GIT1: variants seen among roughly 807,000 people sequenced by gnomAD.
The protein encoded by GIT1 is GIT ArfGAP 1.
A neutral mutation model predicts 91.7 loss-of-function variants in GIT1; 14 were observed. The ratio of observed to expected loss-of-function variants is 0.15; its 90% CI spans 0.10 to 0.24. The LOEUF (loss-of-function observed/expected upper bound fraction) is 0.24, where lower values mean the gene tolerates loss of function less well. Ranked by LOEUF, GIT1 falls within the 10% of genes least tolerant of loss-of-function variation. The probability of loss-of-function intolerance (pLI) is 1.00; values close to 1 mark genes in which losing one functional copy is unlikely to be tolerated. For missense variants in GIT1, 717 were observed against 1,024.9 expected, an observed-to-expected ratio of 0.70 and a Z score of 4.10; for synonymous variants, 414 against 418.2, an observed-to-expected ratio of 0.99 and a Z score of 0.12.
Position 29,579,316 on chromosome 17 carries a change from T to A in GIT1, c.762-537A>T, listed in dbSNP as rs187685492. ...TTGTAAGTTTCTTAATCTCCCTCCT[T>A]CTAGTTTTGTCCCTACAATCCTGTT... is the stretch of plus-strand genomic sequence containing the variant. On this transcript the variant is annotated intron_variant, in intron 7 of 19. Coordinates refer to ENST00000225394, the MANE Select transcript of GIT1 (RefSeq NM_014030.4). 97 of 406,302 alleles carry A rather than the reference T, an allele frequency of 2.4e-4. 3 individuals are homozygous for A. The East Asian group carries it at 3.4e-3, about 14-fold the overall frequency. The allele number at this position is 406,302 out of a possible 1,614,324, so 25.2% of individuals were successfully genotyped here.
At position 29,574,049 on chromosome 17, in the gene GIT1, C is replaced by T. The variant is rs1028590074; in HGVS notation, c.*653G>A. On this transcript the variant is annotated 3_prime_UTR_variant, in exon 20 of 20. Transcript: ENST00000225394. ...GACCAGGCCTCCGGAACGGCACTGCCGCCCACACACTCAACACGCAGGCAC... is the reference window on the plus strand; with the variant it reads ...GACCAGGCCTCCGGAACGGCACTGCTGCCCACACACTCAACACGCAGGCAC... The T allele has an allele frequency of 1.0e-4, 16 of 152,468 alleles. No homozygotes were observed. The highest frequency in any genetic ancestry group is 2.4e-4 in the African/African-American group (10 of 41,484). 9.4% of individuals were successfully genotyped at this position (152,468 alleles called of 1,614,324 possible).
In GIT1 at chr17:29,578,333, C is replaced by T; in HGVS notation, c.849G>A (p.Val283=). 6.2e-7 allele frequency: 1 copy of T among 1,614,154 alleles called. No individual in the cohort carries two copies. Among genetic ancestry groups the T allele is most frequent in the Non-Finnish European group, 8.5e-7 (1 of 1,179,990 alleles). Residue 283 remains valine (V), a synonymous_variant, in exon 9 of 20, where the codon GTG becomes GTA. Transcript: ENST00000225394. ...TTTCTCTTCGATCCACCTCGTCATA[C>T]ACGTCCATGGCGAGTTCCTCAAAAA... is the stretch of plus-strand genomic sequence containing the variant. ...NRLFEELAMD[V]YDEVDRREND...
Position 29,582,818 on chromosome 17 carries a change from C to A in GIT1, c.300-15G>T, listed in dbSNP as rs2033448563. On this transcript the variant is annotated splice_polypyrimidine_tract_variant and intron_variant, in intron 3 of 19. Coordinates refer to ENST00000225394, the MANE Select transcript of GIT1 (RefSeq NM_014030.4). ...ACTTGATGGGGCTGCATGGGGCACA[C>A]AGGAGGAATGGGGAGCATGGTGGGA... 6.2e-7 allele frequency: 1 copy of A among 1,604,644 alleles called. No individual in the cohort carries two copies. The highest frequency in any genetic ancestry group is 1.3e-5 in the African/African-American group (1 of 74,754).
At chr17:29,580,258 G>A (rs2033351572) in intron 7 of GIT1, among the ~76,000 whole-genome samples, 1 of 152,158 alleles carries the variant, frequency 6.6e-6, no homozygotes, top group Non-Finnish European at 1.5e-5. Flanking sequence ...CCCATATTTG[G>A]GTGTATTTAC....
chr17:29,587,085 G>A (rs1255324741), intron 1 of GIT1, among the ~76,000 whole-genome samples: 1 of 152,192 alleles, frequency 6.6e-6, no homozygotes, highest in Non-Finnish European at 1.5e-5. Flanking sequence ...GGTTAGGACT[G>A]CAGGGCTCCT....
rs139867434 is a variant in GIT1, at chr17:29,575,328, G to C, written c.1969C>G (p.Gln657Glu). 2 of 1,613,410 alleles carry C rather than the reference G, an allele frequency of 1.2e-6. No homozygotes were observed. The highest frequency in any genetic ancestry group is 1.7e-6 in the Non-Finnish European group (2 of 1,179,872). ...TCCTGGGCTGCCCGCAACAGTTCCT[G>C]AATGTTCTTGGTGACCTGCTCTGTC... ...LKTEQVTKNI[Q>E]ELLRAAQEFK... The change falls in exon 18 of 20, where the codon CAG becomes GAG. Residue 657 changes from glutamine (Q) to glutamate (E), a missense_variant. Physicochemically the swap from Gln to Glu is conservative, Grantham distance 29 (BLOSUM62 2). Around this residue, in one of 3 missense-constraint regions of GIT1, gnomAD observed 134 missense variants for 223.8 expected, o/e 0.60. Coordinates refer to ENST00000225394, the MANE Select transcript of GIT1 (RefSeq NM_014030.4). The surrounding 1 kb of genome is among the most constrained non-coding windows in gnomAD (Gnocchi z 5.5).
At position 29,588,531 on chromosome 17, in the gene GIT1, G is replaced by A. The variant is rs555435820; in HGVS notation, c.52+796C>T. Among the ~76,000 whole-genome samples, 371 of 152,320 alleles carry A rather than the reference G, an allele frequency of 2.4e-3. 2 individuals carry two copies. Among genetic ancestry groups the A allele is most frequent in the African/African-American group, 8.8e-3 (365 of 41,576 alleles). On this transcript the variant is annotated intron_variant, in intron 1 of 19. Coordinates refer to ENST00000225394, the MANE Select transcript of GIT1 (RefSeq NM_014030.4). ...AGCAGGATACGGGGAATCTCGGCAC[G>A]GCCTCCCACCCATTTCTGGCCAGAC...
Position 29,576,649 on chromosome 17 carries a change from T to A in GIT1, c.1253A>T (p.Asp418Val), listed in dbSNP as rs1309437721. The A allele has an allele frequency of 1.2e-6, 2 of 1,613,842 alleles. No individual in the cohort carries two copies. The highest frequency in any genetic ancestry group is 1.7e-6 in the Non-Finnish European group (2 of 1,180,002). Residue 418 changes from aspartate (D) to valine (V), a missense_variant, in exon 13 of 20, where the codon GAC becomes GTC. Physicochemically the swap from Asp to Val is radical, Grantham distance 152. Coordinates refer to ENST00000225394, the MANE Select transcript of GIT1 (RefSeq NM_014030.4). Reference protein sequence around the residue: ...ARSMDSSDLSDGAVTLQEYLE... With the variant: ...ARSMDSSDLSVGAVTLQEYLE... ...GTACTCCTGCAGCGTCACAGCCCCG[T>A]CAGACAAGTCCGAGGAGTCCATGCT...
At position 29,574,754 on chromosome 17, in the gene GIT1, G is replaced by A; in HGVS notation, c.2234C>T (p.Ala745Val). The change falls in exon 20 of 20, where the codon GCC (alanine) becomes GTC (valine). Residue 745 changes from alanine (A) to valine (V), a missense_variant. This residue lies in a region of GIT1 where 134 missense variants were observed against 223.8 expected (regional missense o/e 0.60). Coordinates refer to ENST00000225394, the MANE Select transcript of GIT1 (RefSeq NM_014030.4). ...GGTGACCAGCTGCTTGGCAGCCTTG[G>A]CGATGTCATAGGCGCACTGGATCAC... ...QQVIQCAYDI[A>V]KAAKQLVTIT... The A allele has an allele frequency of 1.2e-6, 2 of 1,613,640 alleles. No homozygotes were observed. The highest frequency in any genetic ancestry group is 1.7e-6 in the Non-Finnish European group (2 of 1,179,926).
Position 29,576,525 on chromosome 17 carries a change from T to G in GIT1, c.1377A>C (p.Arg459=). 6.2e-7 allele frequency: 1 copy of G among 1,613,792 alleles called. No individual in the cohort carries two copies. The highest frequency in any genetic ancestry group is 8.5e-7 in the Non-Finnish European group (1 of 1,179,958). ...SLSDELRRLQ[R]EIHKLQAENL... is the part of the protein sequence containing the mutation. ...CCCACCGAGGCTGCACCCTCACCTC[T>G]CGCTGCAGCCTCCGGAGCTCGTCGC... is the stretch of plus-strand genomic sequence containing the variant. Residue 459 remains arginine (R), a synonymous_variant, in exon 13 of 20, where the codon CGA becomes CGC. Coordinates refer to ENST00000225394, the MANE Select transcript of GIT1 (RefSeq NM_014030.4).
chr17:29,577,088 C>T, intron 11 of GIT1, 48 bp downstream of exon 11: 1 of 1,606,324 alleles, frequency 6.2e-7, no homozygotes, highest in Non-Finnish European at 8.5e-7. Flanking sequence ...CAGGAAAGAC[C>T]CCTGGAGCCC....
rs1432585254 is a variant in GIT1 at position 29,576,635 on chromosome 17, G to A, written c.1267C>T (p.Leu423=). 1 of 1,614,026 alleles carries A rather than the reference G, an allele frequency of 6.2e-7. No individual in the cohort carries two copies. The highest frequency in any genetic ancestry group is 1.1e-5 in the South Asian group (1 of 91,086). ...TTCTTCAGCTCCAGGTACTCCTGCA[G>A]CGTCACAGCCCCGTCAGACAAGTCC... ...SSDLSDGAVT[L]QEYLELKKAL... The change falls in exon 13 of 20, where the codon CTG becomes TTG. Residue 423 remains leucine (L), a synonymous_variant. Coordinates refer to ENST00000225394, the MANE Select transcript of GIT1 (RefSeq NM_014030.4).
chr17:29,577,874 CT>C, intron 9 of GIT1, 132 bp from the exon 10 acceptor site: 1 of 654,958 alleles, frequency 1.5e-6, no homozygotes. Context: ...CAGGGGTGGT[CT>C]TTGGGCACGC....
At chr17:29,587,586 C>T (rs909902010) in intron 1 of GIT1, among the ~76,000 whole-genome samples, 3 of 152,204 alleles carry the variant, frequency 2.0e-5, no homozygotes, top group African/African-American at 4.8e-5. Flanking sequence ...GGACATTCAA[C>T]GCAACATACA....
intron 12 of GIT1, 28 bp downstream of exon 12, chr17:29,576,835 G>T (rs771785205): frequency 6.3e-7 from 1 of 1,577,466 alleles, no homozygotes; most frequent in South Asian, 1.1e-5. Flanking sequence ...AGGGCACAGG[G>T]GAGTGGGAAG....
chr17:29,583,268 G>A (rs1397233203), intron 2 of GIT1, among the ~76,000 whole-genome samples: 6 of 152,190 alleles, frequency 3.9e-5, no homozygotes, highest in African/African-American at 9.7e-5. Flanking sequence ...ACACGACCAC[G>A]TTGATAAGTG....
Position 29,581,483 on chromosome 17 carries a change from C to T in GIT1, c.719-103G>A, listed in dbSNP as rs2056441937. On this transcript the variant is annotated intron_variant, in intron 6 of 19. Coordinates refer to ENST00000225394, the MANE Select transcript of GIT1 (RefSeq NM_014030.4). The surrounding 1 kb of genome is among the most constrained non-coding windows in gnomAD (Gnocchi z 4.8). ...GAGCAGGGCTGGCACCCAGAAGTGT[C>T]AGGGGAAAGTGGGGAGGGCAGGCCA... 3 of 980,318 alleles carry T rather than the reference C, an allele frequency of 3.1e-6. No homozygotes were observed. The highest frequency in any genetic ancestry group is 4.9e-6 in the Non-Finnish European group (3 of 611,624). The allele number at this position is 980,318 out of a possible 1,614,324, so 60.7% of individuals were successfully genotyped here.
At chr17:29,587,773 G>C (rs1332503636) in intron 1 of GIT1, among the ~76,000 whole-genome samples, 1 of 152,144 alleles carries the variant, frequency 6.6e-6, no homozygotes, top group Non-Finnish European at 1.5e-5. Context: ...AGTAAGCTGG[G>C]AACAAAGGCA....
chr17:29,583,334 G>A (rs1012839365), intron 2 of GIT1, 149 bp downstream of exon 2: 2 of 744,210 alleles, frequency 2.7e-6, no homozygotes, highest in Admixed American at 2.6e-5. Flanking sequence ...GGGAGGAAAG[G>A]GTCAGGATTA....
Sources: gnomAD v4.1 joint callset for allele counts (sites outside exome capture counted in the v4.1 genomes callset) on GRCh38, gnomAD v4.1.1 for gene constraint, gnomAD v4.1.1 regional missense constraint, Gnocchi (gnomAD v3.1) non-coding constraint, MANE v1.5 for transcripts, NCBI Gene and HGNC (gene_info 2026-07-23, HGNC 2026-07-21) for gene names.